ABL1: variants seen among roughly 807,000 people sequenced by gnomAD.
The protein encoded by ABL1 is tyrosine-protein kinase ABL1.
A neutral mutation model predicts 94.7 loss-of-function variants in ABL1; 11 were observed. The observed-to-expected ratio is 0.12, with a 90% CI of 0.07 to 0.19. ABL1 has a LOEUF of 0.19. ABL1 is among the 10% of genes least tolerant of loss of function. The pLI, the probability that ABL1 is intolerant of heterozygous loss-of-function variation, is 1.00. For synonymous variants in ABL1, 656 were observed against 622.4 expected (o/e 1.05, Z -0.80); for missense variants, 1,082 against 1,489.4 (o/e 0.73, Z 4.50).
In ABL1 at chr9:130,862,885, T is replaced by C. The variant is rs778982129; in HGVS notation, c.672T>C (p.Thr224=). The part of the protein sequence containing the change: ...HYPAPKRNKP[T]VYGVSPNYDK... ...CAGCCCCAAAGCGCAACAAGCCCAC[T>C]GTCTATGGTGTGTCCCCCAACTACG... is the stretch of plus-strand genomic sequence containing the variant. Residue 224 remains threonine, a synonymous_variant, in exon 4 of 11, where the codon ACT becomes ACC. Transcript: ENST00000318560. This position sits in a 1 kb window ranked among gnomAD's most constrained non-coding sequence, Gnocchi z 5.5. 14 of 1,614,152 alleles carry C rather than the reference T, an allele frequency of 8.7e-6. 1 individual carries two copies. The highest frequency in any genetic ancestry group is 1.6e-4 in the Middle Eastern group (1 of 6,062).
chr9:130,753,468 C>A (rs1269078121), intron 1 of ABL1, among the ~76,000 whole-genome samples: 2 of 117,942 alleles, frequency 1.7e-5, no homozygotes, highest in Admixed American at 2.2e-4. Context: ...CTCTGTTGCT[C>A]AGGCTGGAGT....
Position 130,864,591 on chromosome 9 carries a change from C to G in ABL1, c.822+1556C>G, listed in dbSNP as rs4537351. The stretch of plus-strand genomic sequence containing the variant: ...TAAATATTTATCAAGTTCTTCACTT[C>G]TATTTGACGGTTCCTGGGCTCAACA... On this transcript the variant is annotated intron_variant, in intron 4 of 10. Transcript: ENST00000318560. Among the ~76,000 whole-genome samples, 129 of 152,326 alleles carry G rather than the reference C, an allele frequency of 8.5e-4. 1 individual carries two copies. The East Asian group carries it at 0.013, about 16-fold the overall frequency.
rs534598735 is a variant in ABL1, at chr9:130,822,722, C to T, written c.137-31342C>T. ...TCTTTGGTGACCTGTCAATTCAAAT[C>T]TTTTGCCTATTTTTTTTTATTAAGT... is the stretch of plus-strand genomic sequence containing the variant. On this transcript the variant is annotated intron_variant, in intron 1 of 10. Coordinates refer to the ABL1 transcript ENST00000372348. 8.5e-4 allele frequency among the ~76,000 whole-genome samples: 129 copies of T among 151,950 alleles called. 1 individual carries two copies. The highest frequency in any genetic ancestry group is 3.1e-3 in the African/African-American group (127 of 41,414).
rs138201089 is a variant in ABL1 at position 130,829,035 on chromosome 9, A to T, written c.137-25029A>T. 1.1e-3 allele frequency among the ~76,000 whole-genome samples: 165 copies of T among 152,364 alleles called. 1 individual carries two copies. Among genetic ancestry groups the T allele is most frequent in the African/African-American group, 3.8e-3 (156 of 41,588 alleles). Reference sequence around the variant, plus strand: ...AAAAAGCAAGTCATTTTAAGGGGTCAGGAACCAGAATGGGATTGCATCTCT... The same window carrying T: ...AAAAAGCAAGTCATTTTAAGGGGTCTGGAACCAGAATGGGATTGCATCTCT... On this transcript the variant is annotated intron_variant, in intron 1 of 10. Coordinates refer to the ABL1 transcript ENST00000372348.
At chr9:130,870,346 T>C (rs1221366006) in intron 4 of ABL1, among the ~76,000 whole-genome samples, 1 of 152,228 alleles carries the variant, frequency 6.6e-6, no homozygotes, top group African/African-American at 2.4e-5. Flanking sequence ...AGAGGGTCAG[T>C]AGCTATAAAA....
chr9:130,796,708 C>G (rs929630376), intron 1 of ABL1, among the ~76,000 whole-genome samples: 2 of 151,660 alleles, frequency 1.3e-5, no homozygotes, highest in Non-Finnish European at 2.9e-5. Flanking sequence ...TGGATGTGGG[C>G]TCACAGGTAA....
intron 1 of ABL1, among the ~76,000 whole-genome samples, chr9:130,747,538 C>G (rs186970162): frequency 2.4e-4 from 36 of 152,210 alleles, no homozygotes; most frequent in African/African-American, 7.7e-4. Flanking sequence ...CTCAGTCTCC[C>G]AAGTAGCTGA....
At chr9:130,726,881 A>G (rs1156557297) in intron 1 of ABL1, among the ~76,000 whole-genome samples, 3 of 152,182 alleles carry the variant, frequency 2.0e-5, no homozygotes, top group African/African-American at 2.4e-5. Flanking sequence ...TGTATTTCCT[A>G]CTAAACACTG....
chr9:130,725,841 T>TTTTG (rs1831577305), intron 1 of ABL1, among the ~76,000 whole-genome samples: 1 of 133,712 alleles, frequency 7.5e-6, no homozygotes, highest in African/African-American at 2.7e-5. Context: ...TTTTTTTTTT[T>TTTTG]TTTTTTTTTT....
intron 6 of ABL1, among the ~76,000 whole-genome samples, chr9:130,874,659 C>G (rs1266916443): frequency 1.3e-5 from 2 of 152,228 alleles, no homozygotes; most frequent in South Asian, 4.1e-4. Flanking sequence ...AGCCCGCTCC[C>G]AGCACCAGCC....
intron 1 of ABL1, among the ~76,000 whole-genome samples, chr9:130,845,670 A>C (rs986045517): frequency 3.3e-5 from 5 of 152,164 alleles, no homozygotes; most frequent in African/African-American, 9.7e-5. Flanking sequence ...CATAGTTGCC[A>C]CTGGACCTTG....
Position 130,862,186 on chromosome 9 carries a change from A to G in ABL1, c.550-577A>G, listed in dbSNP as rs957639836. Among the ~76,000 whole-genome samples, 9 of 152,288 alleles carry G rather than the reference A, an allele frequency of 5.9e-5. No individual in the cohort carries two copies. The highest frequency in any genetic ancestry group is 1.9e-4 in the East Asian group (1 of 5,182). On this transcript the variant is annotated intron_variant, in intron 3 of 10. Coordinates refer to ENST00000318560, the MANE Select transcript of ABL1 (RefSeq NM_005157.6). The surrounding 1 kb of genome is among the most constrained non-coding windows in gnomAD (Gnocchi z 5.5). Reference sequence around the variant, plus strand: ...CAGCAACTACCCACCAAGTTCTACCATGTGTTAATTTAATCAACAGTTATT... The same window carrying G: ...CAGCAACTACCCACCAAGTTCTACCGTGTGTTAATTTAATCAACAGTTATT...
At position 130,884,144 on chromosome 9, in the gene ABL1, C is replaced by T. The variant is rs139645650; in HGVS notation, c.1854C>T (p.Ser618=). 52 of 1,613,570 alleles carry T rather than the reference C, an allele frequency of 3.2e-5. No individual in the cohort carries two copies. In the East Asian group the frequency reaches 6.9e-4, roughly 21 times the overall value. Residue 618 remains serine, a synonymous_variant, in exon 11 of 11, where the codon AGC becomes AGT. Transcript: ENST00000318560. The surrounding 1 kb of genome is among the most constrained non-coding windows in gnomAD (Gnocchi z 5.6). ...CAGCCCCAACCCCTCCCAAACGCAG[C>T]AGCTCCTTCCGGGAGATGGACGGCC... The part of the protein sequence containing the change: ...KKTAPTPPKR[S]SSFREMDGQP...
chr9:130,809,381 TGAG>T (rs1166056895), intron 1 of ABL1, among the ~76,000 whole-genome samples: 1 of 132,578 alleles, frequency 7.5e-6, no homozygotes, highest in African/African-American at 2.9e-5. Context: ...TGAAGGTTCT[TGAG>T]AGAGAGAGAG....
intron 1 of ABL1, among the ~76,000 whole-genome samples, chr9:130,715,445 C>T (rs1207150721): frequency 1.3e-5 from 2 of 152,220 alleles, no homozygotes; most frequent in Non-Finnish European, 2.9e-5. Flanking sequence ...ACAAAGGCTT[C>T]TGTTGGATGA....
intron 1 of ABL1, chr9:130,724,799 G>T: frequency 2.1e-6 from 1 of 478,012 alleles, no homozygotes; most frequent in South Asian, 1.5e-5. Context: ...TGAACTGGAT[G>T]CTGCAACAGC....
At position 130,809,381 on chromosome 9, in the gene ABL1, TGAGAGAGAGAGA is replaced by T. The variant is rs370101656; in HGVS notation, c.137-44657_137-44646del. On this transcript the variant is annotated intron_variant, in intron 1 of 10. Coordinates refer to the ABL1 transcript ENST00000372348. ...GAAGAGTTGTATTAGTGAAGGTTCT[TGAGAGAGAGAGA>T]GAGAGAGAGAGAGAGAGAGAGAGAG... Among the ~76,000 whole-genome samples the T allele has an allele frequency of 4.9e-3, 653 of 132,680 alleles. 3 individuals carry two copies. The highest frequency in any genetic ancestry group is 7.8e-3 in the Middle Eastern group (2 of 258). 87.0% of individuals were successfully genotyped at this position (132,680 alleles called of 152,430 possible). A position where few individuals can be genotyped will look rare whatever the true frequency, so the allele number is the denominator to read the frequency against.
At chr9:130,858,270 T>C (rs1474923467) in intron 3 of ABL1, among the ~76,000 whole-genome samples, 1 of 152,012 alleles carries the variant, frequency 6.6e-6, no homozygotes, top group Non-Finnish European at 1.5e-5. Context: ...GGATATGTGA[T>C]TTGCAGAATT....
At chr9:130,859,236 C>T (rs899895999) in intron 3 of ABL1, among the ~76,000 whole-genome samples, 1 of 152,204 alleles carries the variant, frequency 6.6e-6, no homozygotes, top group Non-Finnish European at 1.5e-5. Flanking sequence ...CCTTCTAGTC[C>T]TTAATAGAGT....
Sources: allele counts gnomAD v4.1 joint callset (sites outside exome capture counted in the v4.1 genomes callset), GRCh38; gene constraint gnomAD v4.1.1; non-coding constraint Gnocchi (gnomAD v3.1); transcripts MANE v1.5; gene names NCBI Gene and HGNC (gene_info 2026-07-23, HGNC 2026-07-21).